Variants in OPHN1 observed in about 807,000 individuals in gnomAD.
OPHN1 encodes the protein oligophrenin-1.
In OPHN1, 11 loss-of-function variants were observed where a neutral mutation model predicts 60.7. The ratio of observed to expected loss-of-function variants is 0.18; its 90% CI spans 0.11 to 0.30. The LOEUF (loss-of-function observed/expected upper bound fraction) is 0.30, where lower values mean the gene tolerates loss of function less well. Ranked by LOEUF, OPHN1 falls within the 10% of genes least tolerant of loss-of-function variation. The probability of loss-of-function intolerance (pLI) is 1.00; values close to 1 mark genes in which losing one functional copy is unlikely to be tolerated. For synonymous variants in OPHN1, 226 were observed against 222.6 expected, an observed-to-expected ratio of 1.02 and a Z score of -0.14; for missense variants, 449 against 611.0, an observed-to-expected ratio of 0.73 and a Z score of 2.80.
chrX:68,380,328 T>G (rs766655370), intron 2 of OPHN1, among the ~76,000 whole-genome samples: 26 of 111,407 alleles, frequency 2.3e-4, no homozygotes, highest in Non-Finnish European at 4.3e-4. Flanking sequence ...CTTTTCTTCT[T>G]TATTAGTCTT....
At chrX:68,143,723 G>A (rs750111159) in intron 15 of OPHN1, among the ~76,000 whole-genome samples, 8 of 111,524 alleles carry the variant, frequency 7.2e-5, no homozygotes, top group Non-Finnish European at 1.3e-4. Context: ...CTTCATATGT[G>A]CTGTCACAAG....
Position 68,426,310 on chromosome X carries a change from G to A in OPHN1, c.154+6557C>T, listed in dbSNP as rs1039465323. ...ACAAATATTAGCTGGGCGTGGTAGC[G>A]CACGCCTGTAATTCCAGCTACTTGG... On this transcript the variant is annotated intron_variant, in intron 2 of 24. Transcript: ENST00000355520. Among the ~76,000 whole-genome samples, 105 of 107,543 alleles carry A rather than the reference G, an allele frequency of 9.8e-4. 1 individual carries two copies. The highest frequency in any genetic ancestry group is 3.2e-3 in the African/African-American group (97 of 30,162). 93.4% of individuals were successfully genotyped at this position (107,543 alleles called of 115,157 possible).
At chrX:68,350,454 C>CCCTT (rs1195733657) in intron 2 of OPHN1, among the ~76,000 whole-genome samples, 1 of 67,168 alleles carries the variant, frequency 1.5e-5, no homozygotes, top group Non-Finnish European at 2.5e-5. Context: ...CTCTCTCCCT[C>CCCTT]CCTTCCTTCC....
intron 2 of OPHN1, among the ~76,000 whole-genome samples, chrX:68,352,159 C>T (rs1277757325): frequency 1.8e-5 from 2 of 109,707 alleles, no homozygotes; most frequent in Admixed American, 9.9e-5. Context: ...AGACGTGAGC[C>T]GCCACGCCCA....
chrX:68,396,264 C>T (rs1246554842), intron 2 of OPHN1, among the ~76,000 whole-genome samples: 2 of 98,058 alleles, frequency 2.0e-5, no homozygotes, highest in Non-Finnish European at 4.1e-5. Flanking sequence ...GAGGCTGTCT[C>T]TACAAAAAAA....
chrX:68,370,043 T>G (rs1260557413), intron 2 of OPHN1, among the ~76,000 whole-genome samples: 1 of 92,605 alleles, frequency 1.1e-5, no homozygotes, highest in African/African-American at 4.5e-5. Context: ...TATATATATA[T>G]AGAACCTGTC....
At chrX:68,341,719 T>C (rs2078352770) in intron 2 of OPHN1, among the ~76,000 whole-genome samples, 1 of 109,629 alleles carries the variant, frequency 9.1e-6, no homozygotes, top group African/African-American at 3.3e-5. Context: ...GAGCCTGTAG[T>C]CCCAGCTACT....
intron 5 of OPHN1, among the ~76,000 whole-genome samples, chrX:68,265,720 A>C (rs1378360135): frequency 1.8e-5 from 2 of 111,757 alleles, no homozygotes; most frequent in African/African-American, 3.3e-5. Context: ...TCAGATGATC[A>C]AACTACTCCG....
intron 3 of OPHN1, among the ~76,000 whole-genome samples, chrX:68,286,784 G>A (rs1178304767): frequency 9.0e-6 from 1 of 111,291 alleles, no homozygotes; most frequent in African/African-American, 3.3e-5. Context: ...GGGAGGCTCA[G>A]GCAGGTGGAC....
At chrX:68,170,483 G>GT (rs1254951527) in intron 15 of OPHN1, among the ~76,000 whole-genome samples, 1 of 108,847 alleles carries the variant, frequency 9.2e-6, no homozygotes, top group Non-Finnish European at 1.9e-5. Flanking sequence ...ACATGCACAC[G>GT]TATGTTTATT....
intron 10 of OPHN1, 70 bp from the exon 11 acceptor site, chrX:68,201,780 T>C: frequency 1.2e-6 from 1 of 868,640 alleles, no homozygotes; most frequent in Non-Finnish European, 1.7e-6. Flanking sequence ...CTTCCTACAG[T>C]GTCTTCAGTG....
chrX:68,067,206 T>C (rs1345805144), intron 20 of OPHN1, among the ~76,000 whole-genome samples: 5 of 112,378 alleles, frequency 4.4e-5, no homozygotes, highest in African/African-American at 1.6e-4. Flanking sequence ...AGGTAACTTT[T>C]AAGCTGGGCC....
intron 15 of OPHN1, among the ~76,000 whole-genome samples, chrX:68,127,233 G>GA (rs1453720233): frequency 2.7e-5 from 3 of 111,714 alleles, no homozygotes; most frequent in African/African-American, 9.8e-5. Context: ...AATCCCTCTG[G>GA]AAAAAAGCAT....
At chrX:68,103,873 A>G (rs1285994967) in intron 18 of OPHN1, among the ~76,000 whole-genome samples, 1 of 112,074 alleles carries the variant, frequency 8.9e-6, no homozygotes, top group African/African-American at 3.2e-5. Flanking sequence ...GAAGAGAGGA[A>G]GTCAAATTGT....
intron 15 of OPHN1, among the ~76,000 whole-genome samples, chrX:68,170,102 C>T (rs1217706601): frequency 9.1e-6 from 1 of 110,465 alleles, no homozygotes; most frequent in Non-Finnish European, 1.9e-5. Flanking sequence ...ACAAACAACC[C>T]TATCAAAAAG....
rs780452344 is a variant in OPHN1 at position 68,367,853 on chromosome X, G to A, written c.154+65014C>T. 7.2e-5 allele frequency among the ~76,000 whole-genome samples: 8 copies of A among 111,322 alleles called. No individual in the cohort carries two copies. The South Asian group carries it at 3.0e-3, about 42-fold the overall frequency. ...CTCTCTCTTGCCACTCTGTGAAGAC[G>A]TGTCTTCGGTCATGATTGTAAGTTT... is the stretch of plus-strand genomic sequence containing the variant. On this transcript the variant is annotated intron_variant, in intron 2 of 24. Transcript: ENST00000355520.
At chrX:68,139,800 T>C (rs1483280069) in intron 15 of OPHN1, among the ~76,000 whole-genome samples, 1 of 112,355 alleles carries the variant, frequency 8.9e-6, no homozygotes, top group African/African-American at 3.2e-5. Context: ...TGCAGTCCAT[T>C]GGGGAGTTGG....
chrX:68,233,975 G>C (rs2077740447), intron 6 of OPHN1, among the ~76,000 whole-genome samples: 1 of 107,750 alleles, frequency 9.3e-6, no homozygotes, highest in Admixed American at 1.0e-4. Flanking sequence ...GTTGCATCCA[G>C]TACAGTTCAT....
At chrX:68,368,508 T>G (rs960543255) in intron 2 of OPHN1, among the ~76,000 whole-genome samples, 4 of 110,492 alleles carry the variant, frequency 3.6e-5, no homozygotes. Flanking sequence ...ACCACTGCAC[T>G]CCAGTCTGGG....
Sources: gnomAD v4.1 joint callset for allele counts (sites outside exome capture counted in the v4.1 genomes callset) on GRCh38, gnomAD v4.1.1 for gene constraint, MANE v1.5 for transcripts, NCBI Gene and HGNC (gene_info 2026-07-23, HGNC 2026-07-21) for gene names.